The following NCOA2 variants were observed in gnomAD, a reference collection of about 807,000 sequenced individuals.
The protein encoded by NCOA2 is class E basic helix-loop-helix protein 75.
A neutral mutation model predicts 145.1 loss-of-function variants in NCOA2; 21 were observed. The ratio of observed to expected loss-of-function variants is 0.14; its 90% confidence interval spans 0.10 to 0.21. The LOEUF (loss-of-function observed/expected upper bound fraction) is 0.21, where lower values mean the gene tolerates loss of function less well. Ranked by LOEUF, NCOA2 falls within the 10% of genes least tolerant of loss-of-function variation. The pLI, the probability that NCOA2 is intolerant of heterozygous loss-of-function variation, is 1.00. For synonymous variants in NCOA2, 619 were observed against 637.5 expected (o/e 0.97, Z 0.44); for missense variants, 1,472 against 1,837.6 (o/e 0.80, Z 3.64).
At chr8:70,374,581 T>C (rs566858518) in intron 1 of NCOA2, among the ~76,000 whole-genome samples, 1 of 151,620 alleles carries the variant, frequency 6.6e-6, no homozygotes, top group African/African-American at 2.4e-5. Context: ...GGCAGGAGGA[T>C]CACTTGAGCC....
intron 1 of NCOA2, among the ~76,000 whole-genome samples, chr8:70,333,192 A>G (rs531117823): frequency 6.6e-6 from 1 of 152,304 alleles, no homozygotes; most frequent in East Asian, 1.9e-4. Flanking sequence ...AACTGCTTGC[A>G]GGGCATGTTC....
chr8:70,390,602 A>AG (rs1267262413), intron 1 of NCOA2, among the ~76,000 whole-genome samples: 1 of 149,762 alleles, frequency 6.7e-6, no homozygotes, highest in Non-Finnish European at 1.5e-5. Flanking sequence ...ATCTCTATAG[A>AG]GAAAAAAAAA....
chr8:70,350,580 C>A (rs1249112525), intron 1 of NCOA2, among the ~76,000 whole-genome samples: 1 of 152,184 alleles, frequency 6.6e-6, no homozygotes. Flanking sequence ...AAACATTTCT[C>A]CTCCATCCTA....
At chr8:70,258,470 T>A (rs1458272394) in intron 2 of NCOA2, among the ~76,000 whole-genome samples, 1 of 152,232 alleles carries the variant, frequency 6.6e-6, no homozygotes. Context: ...TGCTATTTTT[T>A]TTTCCCCAGG....
intron 22 of NCOA2, among the ~76,000 whole-genome samples, chr8:70,118,829 C>T (rs1807445558): frequency 6.6e-6 from 1 of 151,814 alleles, no homozygotes; most frequent in South Asian, 2.1e-4. Context: ...GCTGGGACTA[C>T]AGGCGTGTGC....
chr8:70,154,886 G>A (rs1304499424), intron 11 of NCOA2, among the ~76,000 whole-genome samples: 1 of 152,164 alleles, frequency 6.6e-6, no homozygotes, highest in African/African-American at 2.4e-5. Context: ...TGTGGCTACA[G>A]TTAGTAACAA....
chr8:70,414,956 T>C, the NCOA2 span, among the ~76,000 whole-genome samples: 2 of 151,802 alleles, frequency 1.3e-5, no homozygotes, highest in South Asian at 4.2e-4. Context: ...AGATAGGGTA[T>C]GTTTCTTTCC....
Position 70,110,824 on chromosome 8 carries a change from A to G in NCOA2, c.*2808T>C. On this transcript the variant is annotated 3_prime_UTR_variant, in exon 23 of 23. Coordinates refer to ENST00000452400, the MANE Select transcript of NCOA2 (RefSeq NM_006540.4). ...TCACTTCACTTTTTAAACTTACCACATTACATGAACACTTAAAATGAGTTT... is the reference window on the plus strand; with the variant it reads ...TCACTTCACTTTTTAAACTTACCACGTTACATGAACACTTAAAATGAGTTT... The G allele has an allele frequency of 8.9e-6, 2 of 224,776 alleles. No individual in the cohort carries two copies. Among genetic ancestry groups the G allele is most frequent in the Non-Finnish European group, 8.9e-6 (1 of 112,814 alleles). 13.9% of individuals were successfully genotyped at this position (224,776 alleles called of 1,614,324 possible).
intron 4 of NCOA2, among the ~76,000 whole-genome samples, chr8:70,199,949 T>C (rs1310228674): frequency 6.6e-6 from 1 of 152,210 alleles, no homozygotes; most frequent in Non-Finnish European, 1.5e-5. Flanking sequence ...CAACCACAGA[T>C]TGAAAATATT....
At chr8:70,454,766 C>T in the NCOA2 span, among the ~76,000 whole-genome samples, 7 of 152,166 alleles carry the variant, frequency 4.6e-5, no homozygotes, top group Admixed American at 2.6e-4. Flanking sequence ...TGATGTGAGG[C>T]ACATTTTGTG....
At chr8:70,265,356 C>T (rs1362369319) in intron 2 of NCOA2, among the ~76,000 whole-genome samples, 2 of 152,144 alleles carry the variant, frequency 1.3e-5, no homozygotes, top group Admixed American at 6.5e-5. Flanking sequence ...TCCCTGCCTC[C>T]GGAACTGTGA....
At chr8:70,263,983 C>T (rs948846256) in intron 2 of NCOA2, among the ~76,000 whole-genome samples, 3 of 152,106 alleles carry the variant, frequency 2.0e-5, no homozygotes, top group African/African-American at 7.2e-5. Flanking sequence ...GAAGCCAAGG[C>T]GGGCATATCA....
the NCOA2 span, among the ~76,000 whole-genome samples, chr8:70,420,694 T>C: frequency 1.5e-3 from 230 of 152,330 alleles, no homozygotes; most frequent in African/African-American, 5.0e-3. Flanking sequence ...GTCGCCAGGC[T>C]GGAGTGCAGG....
intron 21 of NCOA2, among the ~76,000 whole-genome samples, chr8:70,123,540 CGATAACCCCCAAAT>C (rs1250838269): frequency 2.0e-5 from 3 of 151,082 alleles, no homozygotes; most frequent in Non-Finnish European, 4.4e-5. Flanking sequence ...CCCCCCCAAA[CGATAACCCCCAAAT>C]AGAGCTATTT....
At chr8:70,446,539 G>C in the NCOA2 span, among the ~76,000 whole-genome samples, 2 of 152,006 alleles carry the variant, frequency 1.3e-5, no homozygotes, top group Non-Finnish European at 2.9e-5. Context: ...ATAATTCCTG[G>C]GTCATCATTA....
chr8:70,267,867 G>A lies in NCOA2; in HGVS notation c.-20+28877C>T, dbSNP rs530844808. Among the ~76,000 whole-genome samples, 15 of 152,238 alleles carry A rather than the reference G, an allele frequency of 9.9e-5. No individual in the cohort carries two copies. In the East Asian group the frequency reaches 2.3e-3, roughly 23 times the overall value. On this transcript the variant is annotated intron_variant, in intron 2 of 22. Transcript: ENST00000452400. ...ACCAATGAAAATGGGATTTGGAAAA[G>A]AATAGAGAAATTAACAAAATTGCTA...
rs1028799315 is a variant in NCOA2, at chr8:70,111,276, G to A, written c.*2356C>T. The A allele has an allele frequency of 5.3e-5, 12 of 226,308 alleles. No homozygotes were observed. Among genetic ancestry groups the A allele is most frequent in the Non-Finnish European group, 7.9e-5 (9 of 113,864 alleles). 14.0% of individuals were successfully genotyped at this position (226,308 alleles called of 1,614,324 possible). A position where few individuals can be genotyped will look rare whatever the true frequency, so the allele number is the denominator to read the frequency against. On this transcript the variant is annotated 3_prime_UTR_variant, in exon 23 of 23. Coordinates refer to ENST00000452400, the MANE Select transcript of NCOA2 (RefSeq NM_006540.4). Reference sequence around the variant, plus strand: ...AAGAGATAGGTAGATAGTTTTGGACGGTGTTGTAGTGAAAAGGGACTTGAA... The same window carrying A: ...AAGAGATAGGTAGATAGTTTTGGACAGTGTTGTAGTGAAAAGGGACTTGAA...
intron 1 of NCOA2, among the ~76,000 whole-genome samples, chr8:70,368,980 C>A (rs1586615166): frequency 6.6e-6 from 1 of 151,914 alleles, no homozygotes; most frequent in South Asian, 2.1e-4. Flanking sequence ...TAAATGTTTT[C>A]CAAAAATAAC....
chr8:70,323,435 A>T (rs1032725715), intron 1 of NCOA2, among the ~76,000 whole-genome samples: 74 of 152,246 alleles, frequency 4.9e-4, no homozygotes, highest in African/African-American at 1.7e-3. Flanking sequence ...ACACGAACAC[A>T]GGATGAAACA....
Sources: gnomAD v4.1 joint callset for allele counts (sites outside exome capture counted in the v4.1 genomes callset) on GRCh38, gnomAD v4.1.1 for gene constraint, MANE v1.5 for transcripts, NCBI Gene and HGNC (gene_info 2026-07-23, HGNC 2026-07-21) for gene names.